Variants in RGS6 observed in about 807,000 individuals in gnomAD.
RGS6 encodes the protein regulator of G-protein signaling 6.
A neutral mutation model predicts 78.5 loss-of-function variants in RGS6; 30 were observed. The observed-to-expected ratio is 0.38, with a 90% CI of 0.29 to 0.52. The LOEUF (loss-of-function observed/expected upper bound fraction) is 0.52, where lower values mean the gene tolerates loss of function less well. Ranked by LOEUF, RGS6 falls within the 20% of genes least tolerant of loss-of-function variation. The pLI is 0.85. For missense variants in RGS6, 495 were observed against 609.7 expected (o/e 0.81, Z 1.98); for synonymous variants, 206 against 206.0 (o/e 1.00, Z 0.00).
chr14:72,055,888 G>C (rs774699726), intron 2 of RGS6, among the ~76,000 whole-genome samples: 4 of 152,192 alleles, frequency 2.6e-5, no homozygotes, highest in Non-Finnish European at 5.9e-5. Context: ...TTTGGTGTTT[G>C]TTGTTGGTAG....
intron 2 of RGS6, among the ~76,000 whole-genome samples, chr14:72,274,788 A>G (rs1274303434): frequency 1.3e-5 from 2 of 152,224 alleles, no homozygotes; most frequent in African/African-American, 4.8e-5. Flanking sequence ...TCTCCCAGGG[A>G]CTTCAGAAGG....
chr14:72,557,662 ATCTC>A (rs1599150330), intron 17 of RGS6, among the ~76,000 whole-genome samples: 1 of 152,198 alleles, frequency 6.6e-6, no homozygotes, highest in Non-Finnish European at 1.5e-5. Context: ...AGCACGACTC[ATCTC>A]TCTCTGGGGC....
intron 2 of RGS6, among the ~76,000 whole-genome samples, chr14:72,052,109 T>G (rs1429919565): frequency 6.6e-6 from 1 of 152,086 alleles, no homozygotes; most frequent in Non-Finnish European, 1.5e-5. Context: ...AAACAGCTTT[T>G]CCAACTCTAG....
At chr14:71,868,671 A>G in the RGS6 span, among the ~76,000 whole-genome samples, 1 of 152,182 alleles carries the variant, frequency 6.6e-6, no homozygotes, top group East Asian at 1.9e-4. Context: ...GATTTCTCTC[A>G]GTCTCACCTG....
chr14:72,466,612 T>C (rs945589056), intron 7 of RGS6, among the ~76,000 whole-genome samples: 3 of 152,222 alleles, frequency 2.0e-5, no homozygotes, highest in Non-Finnish European at 4.4e-5. Flanking sequence ...GAACATTATG[T>C]TGGGTGAAAG....
intron 2 of RGS6, among the ~76,000 whole-genome samples, chr14:72,096,733 CA>C (rs1294445334): frequency 2.6e-5 from 4 of 152,082 alleles, no homozygotes; most frequent in South Asian, 2.1e-4. Context: ...TCCAAGAGAC[CA>C]GGGGGGCTGC....
At chr14:72,398,517 G>T (rs950635602) in intron 3 of RGS6, among the ~76,000 whole-genome samples, 23 of 152,182 alleles carry the variant, frequency 1.5e-4, no homozygotes, top group Admixed American at 3.9e-4. Context: ...TGGATTCATT[G>T]ATTTTTTGAA....
chr14:72,468,465 T>C (rs1597952577), intron 7 of RGS6, among the ~76,000 whole-genome samples: 3 of 152,194 alleles, frequency 2.0e-5, no homozygotes, highest in African/African-American at 7.2e-5. Context: ...GCATTTTGCT[T>C]CCAAAATGCA....
chr14:72,312,560 CTTTA>C (rs1358752031), intron 2 of RGS6, among the ~76,000 whole-genome samples: 3 of 152,160 alleles, frequency 2.0e-5, no homozygotes, highest in African/African-American at 2.4e-5. Flanking sequence ...GAATTAATTT[CTTTA>C]TTTGTCAAAG....
intron 2 of RGS6, among the ~76,000 whole-genome samples, chr14:72,280,750 T>C (rs953694044): frequency 6.6e-6 from 1 of 152,230 alleles, no homozygotes; most frequent in African/African-American, 2.4e-5. Context: ...TTATTACCTT[T>C]TTCACATGCT....
In RGS6 at chr14:72,550,565, ATCT is replaced by A. The variant is rs972414164; in HGVS notation, c.1422+10475_1422+10477del. On this transcript the variant is annotated intron_variant, in intron 17 of 17. Coordinates refer to ENST00000553525, the MANE Select transcript of RGS6 (RefSeq NM_001204424.2). ...AGACAACACTTAACCCAACCTTGTA[ATCT>A]TCTGCAGCAAAAGTGGTGGGGGAAT... is the stretch of plus-strand genomic sequence containing the variant. The A allele has an allele frequency of 5.2e-6, 8 of 1,535,450 alleles. No homozygotes were observed. In the African/African-American group the frequency reaches 5.5e-5, roughly 11 times the overall value.
rs550281341 is a variant in RGS6 at position 72,554,484 on chromosome 14, C to T, written c.1423-7933C>T. On this transcript the variant is annotated intron_variant, in intron 17 of 17. Transcript: ENST00000553525. ...AGTAGCATCAACTTGTTGCCAATAG[C>T]AACACAGCCATGTCCCTGTTTCCTA... 7.2e-5 allele frequency among the ~76,000 whole-genome samples: 11 copies of T among 152,324 alleles called. No individual in the cohort carries two copies. In the South Asian group the frequency reaches 1.4e-3, roughly 20 times the overall value.
the RGS6 span, among the ~76,000 whole-genome samples, chr14:72,600,703 G>A: frequency 2.6e-5 from 4 of 152,114 alleles, no homozygotes; most frequent in African/African-American, 9.7e-5. Flanking sequence ...GACCCCTGCC[G>A]GGCTCCTCCA....
At chr14:72,131,650 C>T (rs1018243303) in intron 2 of RGS6, among the ~76,000 whole-genome samples, 5 of 152,176 alleles carry the variant, frequency 3.3e-5, no homozygotes, top group Non-Finnish European at 7.3e-5. Context: ...CTAACTGTGC[C>T]TTGAAGATAA....
intron 2 of RGS6, among the ~76,000 whole-genome samples, chr14:72,113,208 G>A (rs998547556): frequency 2.0e-5 from 3 of 152,212 alleles, no homozygotes; most frequent in African/African-American, 7.2e-5. Flanking sequence ...TAGGAATGGT[G>A]CCTTATATTA....
At chr14:71,958,866 C>T (rs1027294052) in intron 1 of RGS6, among the ~76,000 whole-genome samples, 7 of 152,096 alleles carry the variant, frequency 4.6e-5, no homozygotes, top group Non-Finnish European at 7.4e-5. Context: ...GCATGGGAAC[C>T]GGGAGTATGT....
intron 3 of RGS6, among the ~76,000 whole-genome samples, chr14:72,448,699 CTAAAT>C (rs1366920971): frequency 6.6e-6 from 1 of 151,938 alleles, no homozygotes; most frequent in Non-Finnish European, 1.5e-5. Context: ...ATTATTATCA[CTAAAT>C]TAATGCCTCT....
intron 2 of RGS6, among the ~76,000 whole-genome samples, chr14:72,120,909 G>C (rs982436899): frequency 1.3e-5 from 2 of 152,152 alleles, no homozygotes; most frequent in African/African-American, 4.8e-5. Flanking sequence ...AACTCATCAC[G>C]TGGAACACCT....
At chr14:72,411,752 A>G (rs957894616) in intron 3 of RGS6, among the ~76,000 whole-genome samples, 1 of 152,176 alleles carries the variant, frequency 6.6e-6, no homozygotes, top group Non-Finnish European at 1.5e-5. Flanking sequence ...TCAATACCTA[A>G]TTTATTGAAA....
Sources: allele counts gnomAD v4.1 joint callset (sites outside exome capture counted in the v4.1 genomes callset), GRCh38; gene constraint gnomAD v4.1.1; transcripts MANE v1.5; gene names NCBI Gene and HGNC (gene_info 2026-07-23, HGNC 2026-07-21).